Variants in OR2M3 observed in about 807,000 individuals in gnomAD.
OR2M3 encodes olfactory receptor family 2 subfamily M member 3.
In OR2M3, 1 loss-of-function variant was observed where a neutral mutation model predicts 4.3. The ratio of observed to expected loss-of-function variants is 0.23; its 90% CI spans 0.08 to 1.11. The LOEUF (loss-of-function observed/expected upper bound fraction) is 1.11, where lower values mean the gene tolerates loss of function less well. Among genes scored for constraint, OR2M3 ranks in the 50% most tolerant of loss-of-function variants. The pLI is 0.54. For missense variants in OR2M3, 410 were observed against 390.4 expected (o/e 1.05, Z -0.42); for synonymous variants, 151 against 139.4 (o/e 1.08, Z -0.59).
rs115195266 is a variant in OR2M3, at chr1:248,204,396, C to G, written c.*390C>G. 6.6e-3 allele frequency: 1,057 copies of G among 160,034 alleles called. 15 individuals carry two copies. Among genetic ancestry groups the G allele is most frequent in the African/African-American group, 0.024 (980 of 41,536 alleles). The allele number at this position is 160,034 out of a possible 1,614,324, so 9.9% of individuals were successfully genotyped here. A position where few individuals can be genotyped will look rare whatever the true frequency, so the allele number is the denominator to read the frequency against. ...TAGTCTTTTATCACTTGTCATTCCCCGTATTTCCCTCATGTCCCCAAAGTC... is the reference window on the plus strand; with the variant it reads ...TAGTCTTTTATCACTTGTCATTCCCGGTATTTCCCTCATGTCCCCAAAGTC... On this transcript the variant is annotated 3_prime_UTR_variant, in exon 2 of 2. Coordinates refer to ENST00000641626, the MANE Select transcript of OR2M3 (RefSeq NM_001004689.2).
chr1:248,198,485 T>G (rs556013520), intron 1 of OR2M3, among the ~76,000 whole-genome samples: 1 of 152,274 alleles, frequency 6.6e-6, no homozygotes, highest in East Asian at 1.9e-4. Flanking sequence ...AGAGATTTGT[T>G]GTTTTGTGTT....
In OR2M3 at chr1:248,207,319, A is replaced by G. The variant is rs1165675715; in HGVS notation, c.*3313A>G. 6.6e-6 allele frequency: 1 copy of G among 150,732 alleles called. No individual in the cohort carries two copies. The highest frequency in any genetic ancestry group is 1.5e-5 in the Non-Finnish European group (1 of 67,614). 9.3% of individuals were successfully genotyped at this position (150,732 alleles called of 1,614,324 possible). ...TTCAATTTCATTTAGTTCTGCTCTG[A>G]TCTTCATTATTTCTTTTCTTCTTCT... is the stretch of plus-strand genomic sequence containing the variant. On this transcript the variant is annotated 3_prime_UTR_variant, in exon 2 of 2. Coordinates refer to ENST00000641626, the MANE Select transcript of OR2M3 (RefSeq NM_001004689.2).
intron 1 of OR2M3, among the ~76,000 whole-genome samples, chr1:248,198,869 C>T (rs1314357386): frequency 1.3e-5 from 2 of 152,208 alleles, no homozygotes; most frequent in Admixed American, 6.6e-5. Context: ...CACAGTACCA[C>T]AGTGTCATGA....
At chr1:248,201,678 G>A (rs1184887511) in intron 1 of OR2M3, among the ~76,000 whole-genome samples, 2 of 142,470 alleles carry the variant, frequency 1.4e-5, no homozygotes, top group Non-Finnish European at 1.5e-5. Context: ...TCCCATCTAT[G>A]AGTGAGAACA....
intron 1 of OR2M3, among the ~76,000 whole-genome samples, chr1:248,199,063 A>G (rs954404467): frequency 1.3e-5 from 2 of 152,178 alleles, no homozygotes; most frequent in Admixed American, 6.6e-5. Context: ...TAAGATTCAT[A>G]CATAAAAATA....
chr1:248,200,772 T>A (rs187870223), intron 1 of OR2M3, among the ~76,000 whole-genome samples: 1 of 152,246 alleles, frequency 6.6e-6, no homozygotes, highest in East Asian at 1.9e-4. Flanking sequence ...TATTTTTTTC[T>A]TACACACAAT....
rs1466612647 is a variant in OR2M3 at position 248,206,664 on chromosome 1, T to A, written c.*2658T>A. The A allele has an allele frequency of 6.6e-6, 1 of 152,092 alleles. No homozygotes were observed. Among genetic ancestry groups the A allele is most frequent in the Non-Finnish European group, 1.5e-5 (1 of 67,964 alleles). 9.4% of individuals were successfully genotyped at this position (152,092 alleles called of 1,614,324 possible). ...CATCCCTGGTATGAAACTCACTTAATTATGGGTGGATTAGCTTTTCGATAT... is the reference window on the plus strand; with the variant it reads ...CATCCCTGGTATGAAACTCACTTAAATATGGGTGGATTAGCTTTTCGATAT... On this transcript the variant is annotated 3_prime_UTR_variant, in exon 2 of 2. Transcript: ENST00000641626.
In OR2M3 at chr1:248,206,142, CATTA is replaced by C. The variant is rs1305759020; in HGVS notation, c.*2140_*2143del. 1 of 151,966 alleles carries C rather than the reference CATTA, an allele frequency of 6.6e-6. No homozygotes were observed. The highest frequency in any genetic ancestry group is 6.6e-5 in the Admixed American group (1 of 15,248). 9.4% of individuals were successfully genotyped at this position (151,966 alleles called of 1,614,324 possible). On this transcript the variant is annotated 3_prime_UTR_variant, in exon 2 of 2. Coordinates refer to ENST00000641626, the MANE Select transcript of OR2M3 (RefSeq NM_001004689.2). ...TATAGCAGAGCTACTGATTTGTGTA[CATTA>C]ATTGTGTGTCCTGAAACTGTTGAAT...
chr1:248,199,947 G>C (rs1666137610), intron 1 of OR2M3, among the ~76,000 whole-genome samples: 1 of 152,074 alleles, frequency 6.6e-6, no homozygotes, highest in African/African-American at 2.4e-5. Flanking sequence ...ATTCAATTTT[G>C]TTTTAATGCT....
chr1:248,199,307 T>A (rs1460751836), intron 1 of OR2M3, among the ~76,000 whole-genome samples: 1 of 152,124 alleles, frequency 6.6e-6, no homozygotes, highest in Non-Finnish European at 1.5e-5. Context: ...CAAGATGTCA[T>A]AATTTCAGAT....
rs1178396293 is a variant in OR2M3, at chr1:248,204,212, C to T, written c.*206C>T. On this transcript the variant is annotated 3_prime_UTR_variant, in exon 2 of 2. Transcript: ENST00000641626. Reference sequence around the variant, plus strand: ...TTTCTGCTATGACCACAATGTAAGTCATTTCCAATAAGAATATTAAAGTTT... The same window carrying T: ...TTTCTGCTATGACCACAATGTAAGTTATTTCCAATAAGAATATTAAAGTTT... The T allele has an allele frequency of 1.2e-5, 5 of 433,714 alleles. No homozygotes were observed. The highest frequency in any genetic ancestry group is 2.0e-5 in the Non-Finnish European group (5 of 251,088). The allele number at this position is 433,714 out of a possible 1,614,324, so 26.9% of individuals were successfully genotyped here. A position where few individuals can be genotyped will look rare whatever the true frequency, so the allele number is the denominator to read the frequency against.
Position 248,208,452 on chromosome 1 carries a change from G to A in OR2M3, c.*4446G>A, listed in dbSNP as rs1264031714. The A allele has an allele frequency of 6.6e-6, 1 of 152,096 alleles. No individual in the cohort carries two copies. The highest frequency in any genetic ancestry group is 1.9e-4 in the East Asian group (1 of 5,194). The allele number at this position is 152,096 out of a possible 1,614,324, so 9.4% of individuals were successfully genotyped here. On this transcript the variant is annotated 3_prime_UTR_variant, in exon 2 of 2. Coordinates refer to ENST00000641626, the MANE Select transcript of OR2M3 (RefSeq NM_001004689.2). ...ATGCTTTAAGGAGGCTCTATTTGGTGTATTCCAAGAATTTGTTTCAAGGTT... is the reference window on the plus strand; with the variant it reads ...ATGCTTTAAGGAGGCTCTATTTGGTATATTCCAAGAATTTGTTTCAAGGTT...
Position 248,210,106 on chromosome 1 carries a change from A to G in OR2M3, c.*6100A>G, listed in dbSNP as rs1666266052. The G allele has an allele frequency of 6.6e-6, 1 of 152,236 alleles. No individual in the cohort carries two copies. The highest frequency in any genetic ancestry group is 2.1e-4 in the South Asian group (1 of 4,832). 9.4% of individuals were successfully genotyped at this position (152,236 alleles called of 1,614,324 possible). ...CCTCTGCTGCAACACATAGGTCACC[A>G]GAAAAGTGGGAGAAAGCCGGCAGTC... On this transcript the variant is annotated 3_prime_UTR_variant, in exon 2 of 2. Transcript: ENST00000641626.
chr1:248,211,996 A>G lies in OR2M3; in HGVS notation c.*7990A>G, dbSNP rs147138863. 1.5e-3 allele frequency: 221 copies of G among 152,316 alleles called. 1 individual carries two copies. The highest frequency in any genetic ancestry group is 5.2e-3 in the African/African-American group (217 of 41,564). 9.4% of individuals were successfully genotyped at this position (152,316 alleles called of 1,614,324 possible). A position where few individuals can be genotyped will look rare whatever the true frequency, so the allele number is the denominator to read the frequency against. On this transcript the variant is annotated 3_prime_UTR_variant, in exon 2 of 2. Coordinates refer to ENST00000641626, the MANE Select transcript of OR2M3 (RefSeq NM_001004689.2). ...CTTTGAATAGGATTAGAGTTTATGG[A>G]ACAATGTAAAATCCTATAATATATT...
chr1:248,203,014 T>G (rs1666174232), intron 1 of OR2M3, 36 bp from the exon 2 acceptor site: 12 of 1,552,246 alleles, frequency 7.7e-6, no homozygotes, highest in Non-Finnish European at 1.0e-5. Flanking sequence ...CTGAGTAAAG[T>G]TTTACCAAAT....
intron 1 of OR2M3, among the ~76,000 whole-genome samples, chr1:248,202,424 G>A (rs111499490): frequency 2.7e-4 from 41 of 152,210 alleles, no homozygotes; most frequent in African/African-American, 9.4e-4. Context: ...CACATGCTGA[G>A]TATCTTTTTG....
rs1444575734 is a variant in OR2M3, at chr1:248,198,605, G to T, written c.-19+1304G>T. ...ATACATAATGCTTTACAACTTTTTTGATCAAATTCTGGCCACTCAGTGTCT... is the reference window on the plus strand; with the variant it reads ...ATACATAATGCTTTACAACTTTTTTTATCAAATTCTGGCCACTCAGTGTCT... On this transcript the variant is annotated intron_variant, in intron 1 of 1. Transcript: ENST00000641626. Among the ~76,000 whole-genome samples the T allele has an allele frequency of 2.6e-5, 4 of 152,070 alleles. No homozygotes were observed. In the East Asian group the frequency reaches 7.7e-4, roughly 29 times the overall value.
At chr1:248,201,331 A>C (rs1013701667) in intron 1 of OR2M3, among the ~76,000 whole-genome samples, 2 of 152,044 alleles carry the variant, frequency 1.3e-5, no homozygotes, top group Admixed American at 1.3e-4. Flanking sequence ...GCCAAATGCC[A>C]TTATAAGTGT....
chr1:248,212,545 C>A lies in OR2M3; in HGVS notation c.*8539C>A, dbSNP rs2103016681. On this transcript the variant is annotated 3_prime_UTR_variant, in exon 2 of 2. Transcript: ENST00000641626. Reference sequence around the variant, plus strand: ...TGATTTTTAAAAACTCATATGGTTTCTAAATTATCCAAATTATTTTCTAAC... The same window carrying A: ...TGATTTTTAAAAACTCATATGGTTTATAAATTATCCAAATTATTTTCTAAC... 1 of 151,850 alleles carries A rather than the reference C, an allele frequency of 6.6e-6. No homozygotes were observed. The highest frequency in any genetic ancestry group is 1.5e-5 in the Non-Finnish European group (1 of 67,908). The allele number at this position is 151,850 out of a possible 1,614,324, so 9.4% of individuals were successfully genotyped here.
Sources: allele counts gnomAD v4.1 joint callset (sites outside exome capture counted in the v4.1 genomes callset), GRCh38; gene constraint gnomAD v4.1.1; transcripts MANE v1.5; gene names NCBI Gene and HGNC (gene_info 2026-07-23, HGNC 2026-07-21).